Variants in ZNF566 observed in about 807,000 individuals in gnomAD.
ZNF566 encodes zinc finger protein 566.
A neutral mutation model predicts 32.8 loss-of-function variants in ZNF566; 27 were observed. The ratio of observed to expected loss-of-function variants is 0.82; its 90% CI spans 0.61 to 1.14. ZNF566 has a LOEUF of 1.14. Among genes scored for constraint, ZNF566 ranks in the 50% most tolerant of loss-of-function variants. ZNF566 has a pLI of 0.00. For synonymous variants in ZNF566, 154 were observed against 159.5 expected (o/e 0.97, Z 0.26); for missense variants, 402 against 490.4 (o/e 0.82, Z 1.70).
intron 1 of ZNF566, among the ~76,000 whole-genome samples, chr19:36,483,590 T>C (rs2034086289): frequency 6.6e-6 from 1 of 151,518 alleles, no homozygotes; most frequent in African/African-American, 2.4e-5. Flanking sequence ...TATGGGAAAA[T>C]TTGAACAGCA....
chr19:36,449,370 G>A lies in ZNF566; in HGVS notation c.864C>T (p.Cys288=), dbSNP rs753684547. 25 of 1,613,658 alleles carry A rather than the reference G, an allele frequency of 1.5e-5. No individual in the cohort carries two copies. The highest frequency in any genetic ancestry group is 8.0e-5 in the African/African-American group (6 of 74,778). ...TGEKPYECKE[C]GKAFSSGSNF... ...TTGAGCCACTACTAAAGGCCTTCCCGCATTCTTTGCATTCATAAGGCTTCT... is the reference window on the plus strand; with the variant it reads ...TTGAGCCACTACTAAAGGCCTTCCCACATTCTTTGCATTCATAAGGCTTCT... The change falls in exon 5 of 5, where the codon TGC becomes TGT. Residue 288 remains cysteine (C), a synonymous_variant. Transcript: ENST00000452939.
intron 4 of ZNF566, among the ~76,000 whole-genome samples, chr19:36,466,063 A>AT (rs2033605156): frequency 6.6e-6 from 1 of 152,098 alleles, no homozygotes; most frequent in African/African-American, 2.4e-5. Context: ...TGAAAAAAAA[A>AT]AGATGTAAGT....
chr19:36,453,496 T>C (rs918096772), intron 4 of ZNF566, among the ~76,000 whole-genome samples: 2 of 123,210 alleles, frequency 1.6e-5, no homozygotes, highest in Admixed American at 8.2e-5. Context: ...AATAAATAAA[T>C]AAATAAATAA....
chr19:36,486,907 TG>T (rs1200430579), intron 1 of ZNF566, among the ~76,000 whole-genome samples: 1 of 150,752 alleles, frequency 6.6e-6, no homozygotes, highest in East Asian at 2.0e-4. Flanking sequence ...GAGTTTCACA[TG>T]GTGAAACTCT....
In ZNF566 at chr19:36,448,981, C is replaced by T; in HGVS notation, c.1253G>A (p.Trp418Ter). Reference protein sequence around the residue: ...PQLIQHQNLYW With the variant: ...PQLIQHQNLY ...CATTTCATATATTCTGTTTCATCACCAGTACAAATTTTGATGCTGAATAAG... is the reference window on the plus strand; with the variant it reads ...CATTTCATATATTCTGTTTCATCACTAGTACAAATTTTGATGCTGAATAAG... Residue 418 changes from tryptophan to a stop codon, truncating the protein, a stop_gained, in exon 5 of 5, where the codon TGG becomes TAG. Transcript: ENST00000452939. LOFTEE classifies it high-confidence loss of function. 1.3e-6 allele frequency: 2 copies of T among 1,573,480 alleles called. No homozygotes were observed. Among genetic ancestry groups the T allele is most frequent in the Non-Finnish European group, 1.7e-6 (2 of 1,163,644 alleles).
intron 2 of ZNF566, among the ~76,000 whole-genome samples, chr19:36,473,963 A>G (rs1302355416): frequency 6.6e-6 from 1 of 152,196 alleles, no homozygotes; most frequent in Non-Finnish European, 1.5e-5. Flanking sequence ...AAAGCAAGAA[A>G]CAATAAGAAC....
At chr19:36,462,270 G>C (rs1308357000) in intron 4 of ZNF566, among the ~76,000 whole-genome samples, 3 of 152,088 alleles carry the variant, frequency 2.0e-5, no homozygotes, top group African/African-American at 7.2e-5. Flanking sequence ...TTACAGACAT[G>C]AGCCACCATG....
intron 1 of ZNF566, among the ~76,000 whole-genome samples, chr19:36,479,419 T>C (rs1314107146): frequency 6.6e-6 from 1 of 152,294 alleles, no homozygotes; most frequent in African/African-American, 2.4e-5. Flanking sequence ...TAAAAATCAA[T>C]TGCATTTCTA....
At chr19:36,477,536 T>G (rs2033922848) in intron 1 of ZNF566, among the ~76,000 whole-genome samples, 2 of 124,892 alleles carry the variant, frequency 1.6e-5, no homozygotes, top group Admixed American at 7.7e-5. Context: ...GTTTTTTTTT[T>G]GTTTGTTTGT....
intron 1 of ZNF566, among the ~76,000 whole-genome samples, chr19:36,480,978 G>C (rs1435156481): frequency 1.3e-5 from 2 of 151,944 alleles, no homozygotes; most frequent in Non-Finnish European, 2.9e-5. Flanking sequence ...AGGAGACAGA[G>C]GTTGCAGTAA....
At chr19:36,466,448 T>C (rs2033615715) in intron 4 of ZNF566, among the ~76,000 whole-genome samples, 1 of 152,200 alleles carries the variant, frequency 6.6e-6, no homozygotes. Flanking sequence ...GAGGGCCAAC[T>C]ATACGTATTT....
At chr19:36,464,417 A>C (rs2033560630) in intron 4 of ZNF566, among the ~76,000 whole-genome samples, 1 of 152,126 alleles carries the variant, frequency 6.6e-6, no homozygotes, top group Non-Finnish European at 1.5e-5. Context: ...TTAACTTCCC[A>C]AAGTGCTGGG....
chr19:36,479,223 G>A, intron 1 of ZNF566, among the ~76,000 whole-genome samples: 1 of 152,116 alleles, frequency 6.6e-6, no homozygotes, highest in Non-Finnish European at 1.5e-5. Flanking sequence ...TTTTAACAAT[G>A]TAATAAAGGG....
intron 1 of ZNF566, among the ~76,000 whole-genome samples, chr19:36,481,829 G>A (rs539963569): frequency 1.3e-5 from 2 of 152,270 alleles, no homozygotes; most frequent in Admixed American, 1.3e-4. Flanking sequence ...ACGTAGGAAA[G>A]CGGTTCAATA....
At position 36,447,245 on chromosome 19, in the gene ZNF566, G is replaced by A. The variant is rs998098818; in HGVS notation, c.*1732C>T. 7 of 152,126 alleles carry A rather than the reference G, an allele frequency of 4.6e-5. No individual in the cohort carries two copies. Among genetic ancestry groups the A allele is most frequent in the Admixed American group, 3.9e-4 (6 of 15,264 alleles). The allele number at this position is 152,126 out of a possible 1,614,324, so 9.4% of individuals were successfully genotyped here. The stretch of plus-strand genomic sequence containing the variant: ...TTGGCCAGGCTGGTCTCAAGCTCCT[G>A]GCCTCAAATGATCCTTCCATCTCAG... On this transcript the variant is annotated 3_prime_UTR_variant, in exon 5 of 5. Coordinates refer to ENST00000452939, the MANE Select transcript of ZNF566 (RefSeq NM_001145344.1).
rs898241931 is a variant in ZNF566 at position 36,447,945 on chromosome 19, C to T, written c.*1032G>A. ...ATGATGATGAATATAATAACGATGA[C>T]TAACATTCAGTGAGTATGTATTTAT... is the stretch of plus-strand genomic sequence containing the variant. On this transcript the variant is annotated 3_prime_UTR_variant, in exon 5 of 5. Coordinates refer to ENST00000452939, the MANE Select transcript of ZNF566 (RefSeq NM_001145344.1). The T allele has an allele frequency of 2.6e-5, 4 of 152,146 alleles. No homozygotes were observed. Among genetic ancestry groups the T allele is most frequent in the Non-Finnish European group, 5.9e-5 (4 of 68,008 alleles). The allele number at this position is 152,146 out of a possible 1,614,324, so 9.4% of individuals were successfully genotyped here. A position where few individuals can be genotyped will look rare whatever the true frequency, so the allele number is the denominator to read the frequency against.
intron 1 of ZNF566, among the ~76,000 whole-genome samples, chr19:36,477,728 G>A (rs532645543): frequency 1.8e-3 from 272 of 151,692 alleles, no homozygotes; most frequent in African/African-American, 6.2e-3. Context: ...TAGTAGAGAC[G>A]GGTTTCACCA....
chr19:36,450,643 A>G (rs1030285491), intron 4 of ZNF566, among the ~76,000 whole-genome samples: 4 of 151,686 alleles, frequency 2.6e-5, no homozygotes, highest in Non-Finnish European at 4.4e-5. Context: ...CACTGTCTCA[A>G]TAGATAGATA....
rs975164194 is a variant in ZNF566 at position 36,447,736 on chromosome 19, A to G, written c.*1241T>C. The G allele has an allele frequency of 1.3e-5, 2 of 152,094 alleles. No individual in the cohort carries two copies. Among genetic ancestry groups the G allele is most frequent in the African/African-American group, 4.8e-5 (2 of 41,402 alleles). 9.4% of individuals were successfully genotyped at this position (152,094 alleles called of 1,614,324 possible). On this transcript the variant is annotated 3_prime_UTR_variant, in exon 5 of 5. Transcript: ENST00000452939. Reference sequence around the variant, plus strand: ...TTAGTCGGAATAAAGTCCTTCACACACATTATTCACAGTACTTTCCCCCCC... The same window carrying G: ...TTAGTCGGAATAAAGTCCTTCACACGCATTATTCACAGTACTTTCCCCCCC...
Sources: gnomAD v4.1 joint callset for allele counts (sites outside exome capture counted in the v4.1 genomes callset) on GRCh38, gnomAD v4.1.1 for gene constraint, MANE v1.5 for transcripts, NCBI Gene and HGNC (gene_info 2026-07-23, HGNC 2026-07-21) for gene names.